CACNA1S: variants seen among roughly 807,000 people sequenced by gnomAD.
CACNA1S encodes voltage-dependent L-type calcium channel subunit alpha-1S.
A neutral mutation model predicts 207.4 loss-of-function variants in CACNA1S; 126 were observed. That is an observed-to-expected ratio of 0.61 (90% CI 0.53 to 0.70). The LOEUF is 0.70. Among genes scored for constraint, CACNA1S ranks in the 30% least tolerant of loss-of-function variants. The pLI is 0.00. For synonymous variants in CACNA1S, 960 were observed against 932.7 expected (o/e 1.03, Z -0.53); for missense variants, 2,349 against 2,422.8 (o/e 0.97, Z 0.64).
chr1:201,096,577 G>A (rs773341421), intron 2 of CACNA1S, among the ~76,000 whole-genome samples: 1 of 152,188 alleles, frequency 6.6e-6, no homozygotes, highest in South Asian at 2.1e-4. Context: ...AGCATCCATC[G>A]TGGGCAGGTG....
At chr1:201,102,864 C>A (rs1662730669) in intron 2 of CACNA1S, among the ~76,000 whole-genome samples, 1 of 152,142 alleles carries the variant, frequency 6.6e-6, no homozygotes, top group African/African-American at 2.4e-5. Flanking sequence ...CTCAATCCAC[C>A]CCAGGTCTGT....
rs543112119 is a variant in CACNA1S at position 201,110,095 on chromosome 1, C to G, written c.258+69G>C. 9.5e-5 allele frequency: 132 copies of G among 1,385,404 alleles called. 1 individual carries two copies. In the East Asian group the frequency reaches 2.6e-3, roughly 27 times the overall value. 85.8% of individuals were successfully genotyped at this position (1,385,404 alleles called of 1,614,324 possible). Reference sequence around the variant, plus strand: ...CGGCACCATCCCCCAGAACAGAGTCCACCAAGGGGGCCTCCCCAAGCCTGG... The same window carrying G: ...CGGCACCATCCCCCAGAACAGAGTCGACCAAGGGGGCCTCCCCAAGCCTGG... On this transcript the variant is annotated intron_variant, in intron 2 of 43. Coordinates refer to ENST00000362061, the MANE Select transcript of CACNA1S (RefSeq NM_000069.3).
intron 7 of CACNA1S, among the ~76,000 whole-genome samples, chr1:201,087,330 C>T (rs1662067153): frequency 6.6e-6 from 1 of 152,112 alleles, no homozygotes; most frequent in Admixed American, 6.5e-5. Flanking sequence ...ACACAGCCAC[C>T]AAGCAGTAGT....
Position 201,078,034 on chromosome 1 carries a change from C to G in CACNA1S, c.1464G>C (p.Leu488=). The G allele has an allele frequency of 1.2e-6, 2 of 1,614,208 alleles. No homozygotes were observed. Among genetic ancestry groups the G allele is most frequent in the Non-Finnish European group, 1.7e-6 (2 of 1,180,030 alleles). Residue 488 remains leucine, a synonymous_variant, in exon 11 of 44, where the codon CTG becomes CTC. Transcript: ENST00000362061. ...TGAAGATAGACATGAAGTACTGGCG[C>G]AGGCCCAGCCCGTACATCTTCATCA... is the stretch of plus-strand genomic sequence containing the variant. ...EMLMKMYGLG[L]RQYFMSIFNR...
chr1:201,097,832 GCCCTT>G (rs959508243), intron 2 of CACNA1S, among the ~76,000 whole-genome samples: 1 of 152,136 alleles, frequency 6.6e-6, no homozygotes, highest in Non-Finnish European at 1.5e-5. Flanking sequence ...TGATTCTGAT[GCCCTT>G]CCCTTAGTGA....
chr1:201,094,101 G>A, intron 2 of CACNA1S, 80 bp from the exon 3 acceptor site: 1 of 1,576,294 alleles, frequency 6.3e-7, no homozygotes, highest in Non-Finnish European at 8.7e-7. Context: ...GCCGTGCTGG[G>A]TTCCCTGCTG....
Position 201,049,056 on chromosome 1 carries a change from T to C in CACNA1S, c.4285A>G (p.Ile1429Val), listed in dbSNP as rs1223270848. The C allele has an allele frequency of 1.9e-6, 3 of 1,613,838 alleles. No individual in the cohort carries two copies. Among genetic ancestry groups the C allele is most frequent in the Non-Finnish European group, 2.5e-6 (3 of 1,179,924 alleles). Reference sequence around the variant, plus strand: ...TTCCCAAAGCCCAGAGGGGGCTGAATCCTTCTCAGCAGGGTCACCACGTCC... The same window carrying C: ...TTCCCAAAGCCCAGAGGGGGCTGAACCCTTCTCAGCAGGGTCACCACGTCC... ...HLDVVTLLRR[I>V]QPPLGFGKFC... The change falls in exon 35 of 44, where the codon ATT becomes GTT. Residue 1429 changes from isoleucine to valine, a missense_variant. By Grantham distance (29) the Ile-to-Val change is conservative (BLOSUM62 3). Coordinates refer to ENST00000362061, the MANE Select transcript of CACNA1S (RefSeq NM_000069.3).
rs1199165252 is a variant in CACNA1S, at chr1:201,077,016, G to A, written c.1731C>T (p.Gly577=). The A allele has an allele frequency of 1.3e-5, 21 of 1,614,138 alleles. No homozygotes were observed. Among genetic ancestry groups the A allele is most frequent in the Non-Finnish European group, 1.6e-5 (19 of 1,180,058 alleles). Residue 577 remains glycine, a synonymous_variant, in exon 12 of 44, where the codon GGC becomes GGT. Coordinates refer to ENST00000362061, the MANE Select transcript of CACNA1S (RefSeq NM_000069.3). ...CATACCTCCCCCCAAAGAGCTGCAT[G>A]CCCAGGAGGGCGAAGATGACGATGA... ...FLFIVIFALL[G]MQLFGGRYDF... is the part of the protein sequence containing the mutation.
chr1:201,061,081 C>G (rs555355222), intron 25 of CACNA1S, among the ~76,000 whole-genome samples, 186 bp downstream of exon 25: 91 of 152,282 alleles, frequency 6.0e-4, no homozygotes, highest in Middle Eastern at 3.4e-3. Context: ...ACAAGAAGAC[C>G]CACTCTACCA....
At chr1:201,096,359 A>G (rs1351078170) in intron 2 of CACNA1S, among the ~76,000 whole-genome samples, 1 of 152,214 alleles carries the variant, frequency 6.6e-6, no homozygotes, top group Non-Finnish European at 1.5e-5. Context: ...CCCCTCTTGC[A>G]TCATAGGAAC....
At chr1:201,068,218 C>G (rs1348756550) in intron 19 of CACNA1S, among the ~76,000 whole-genome samples, 1 of 149,676 alleles carries the variant, frequency 6.7e-6, no homozygotes, top group East Asian at 2.0e-4. Context: ...TCACACAGCT[C>G]CCCGGCTCTG....
chr1:201,044,162 G>C (rs1284089605), intron 39 of CACNA1S, among the ~76,000 whole-genome samples, 166 bp downstream of exon 39: 1 of 151,362 alleles, frequency 6.6e-6, no homozygotes, highest in Non-Finnish European at 1.5e-5. Context: ...TCAGGTCATT[G>C]ATTCTGAGTC....
chr1:201,062,176 G>A (rs1409303868), intron 23 of CACNA1S, 86 bp from the exon 24 acceptor site: 2 of 1,530,346 alleles, frequency 1.3e-6, no homozygotes, highest in South Asian at 1.2e-5. Context: ...GGTGGGGAGT[G>A]TGAAGGAGAA....
chr1:201,098,940 G>A, intron 2 of CACNA1S, among the ~76,000 whole-genome samples: 1 of 152,180 alleles, frequency 6.6e-6, no homozygotes, highest in East Asian at 1.9e-4. Flanking sequence ...TTGGCGTGGT[G>A]TGTGACCCCT....
chr1:201,095,121 G>GGTGTGTGTGTGT (rs55654000), intron 2 of CACNA1S, among the ~76,000 whole-genome samples: 33 of 148,970 alleles, frequency 2.2e-4, no homozygotes, highest in African/African-American at 4.0e-4. Context: ...AGCTCCAGGA[G>GGTGTGTGTGTGT]GTGTGTGTGT....
At chr1:201,040,770 G>T (rs895543840) in intron 41 of CACNA1S, 57 bp from the exon 42 acceptor site, 1 of 1,328,866 alleles carries the variant, frequency 7.5e-7, no homozygotes, top group Non-Finnish European at 1.1e-6. Context: ...CAGGAGCCCT[G>T]AGTCAACAGA....
At chr1:201,040,207 G>A in intron 43 of CACNA1S, 24 bp downstream of exon 43, 1 of 1,612,810 alleles carries the variant, frequency 6.2e-7, no homozygotes, top group Admixed American at 1.7e-5. Context: ...TGCAGCCACT[G>A]CTGTGACCCA....
rs1660727830 is a variant in CACNA1S at position 201,053,445 on chromosome 1, G to A, written c.3795+14C>T. The A allele has an allele frequency of 6.2e-7, 1 of 1,613,998 alleles. No homozygotes were observed. Among genetic ancestry groups the A allele is most frequent in the African/African-American group, 1.3e-5 (1 of 74,894 alleles). Reference sequence around the variant, plus strand: ...CTCCCCAGGTACGTGCAGTTTCCAGGGTCCCTGTTGCACCTGGAAGGACTT... The same window carrying A: ...CTCCCCAGGTACGTGCAGTTTCCAGAGTCCCTGTTGCACCTGGAAGGACTT... On this transcript the variant is annotated intron_variant, in intron 30 of 43. Coordinates refer to ENST00000362061, the MANE Select transcript of CACNA1S (RefSeq NM_000069.3). This position sits in a 1 kb window ranked among gnomAD's most constrained non-coding sequence, Gnocchi z 5.1.
At position 201,069,213 on chromosome 1, in the gene CACNA1S, G is replaced by T. The variant is rs1183888508; in HGVS notation, c.2491-17C>A. Reference sequence around the variant, plus strand: ...TTTAAGGATCTGGGGACAGGGCAGGGGCGGGAGCAGCCAGTGAGAGGAGGA... The same window carrying T: ...TTTAAGGATCTGGGGACAGGGCAGGTGCGGGAGCAGCCAGTGAGAGGAGGA... On this transcript the variant is annotated splice_polypyrimidine_tract_variant and intron_variant, in intron 18 of 43. Transcript: ENST00000362061. 18 of 1,612,954 alleles carry T rather than the reference G, an allele frequency of 1.1e-5. No homozygotes were observed. Among genetic ancestry groups the T allele is most frequent in the Non-Finnish European group, 1.5e-5 (18 of 1,179,058 alleles).
Sources: allele counts gnomAD v4.1 joint callset (sites outside exome capture counted in the v4.1 genomes callset), GRCh38; gene constraint gnomAD v4.1.1; non-coding constraint Gnocchi (gnomAD v3.1); transcripts MANE v1.5; gene names NCBI Gene and HGNC (gene_info 2026-07-23, HGNC 2026-07-21).